The following RUNX2 variants were observed in gnomAD, a reference collection of about 807,000 sequenced individuals.
The protein encoded by RUNX2 is RUNX family transcription factor 2.
Under a neutral mutation model 51.7 loss-of-function variants are expected in RUNX2, and 10 were observed. The observed-to-expected ratio is 0.19, with a 90% CI of 0.12 to 0.33. RUNX2 has a LOEUF of 0.33. Among genes scored for constraint, RUNX2 ranks in the 10% least tolerant of loss-of-function variants. RUNX2 has a pLI of 1.00. For missense variants in RUNX2, 562 were observed against 691.3 expected, an observed-to-expected ratio of 0.81 and a Z score of 2.10; for synonymous variants, 276 against 273.6, an observed-to-expected ratio of 1.01 and a Z score of -0.09.
At chr6:45,402,076 T>C (rs896399101) in intron 2 of RUNX2, among the ~76,000 whole-genome samples, 1 of 152,272 alleles carries the variant, frequency 6.6e-6, no homozygotes, top group African/African-American at 2.4e-5. Flanking sequence ...AATTATGCTC[T>C]TAGATGCATA....
chr6:45,524,943 T>C (rs1321683254), intron 7 of RUNX2, among the ~76,000 whole-genome samples: 1 of 152,176 alleles, frequency 6.6e-6, no homozygotes, highest in East Asian at 1.9e-4. Context: ...AAACCTCGTA[T>C]CTACTATAAA....
At chr6:45,482,265 G>GT (rs1055557107) in intron 5 of RUNX2, among the ~76,000 whole-genome samples, 1 of 152,048 alleles carries the variant, frequency 6.6e-6, no homozygotes, top group Non-Finnish European at 1.5e-5. Flanking sequence ...GACGTCTCAA[G>GT]TTTTTTTAGT....
At chr6:45,482,609 A>G (rs1452145766) in intron 5 of RUNX2, among the ~76,000 whole-genome samples, 2 of 152,374 alleles carry the variant, frequency 1.3e-5, no homozygotes, top group South Asian at 2.1e-4. Flanking sequence ...ATGACTACAT[A>G]TGAGATTGAG....
chr6:45,544,605 C>T (rs116056639), intron 7 of RUNX2, among the ~76,000 whole-genome samples: 2,828 of 152,254 alleles, frequency 0.019, 81 homozygotes, highest in African/African-American at 0.064. Flanking sequence ...GTTTTAAGTG[C>T]GACTTCTTTC....
At chr6:45,474,245 TA>T (rs918256569) in intron 5 of RUNX2, among the ~76,000 whole-genome samples, 1 of 151,868 alleles carries the variant, frequency 6.6e-6, no homozygotes, top group Non-Finnish European at 1.5e-5. Flanking sequence ...GCCCTAGAGA[TA>T]GGTATAGTAG....
At chr6:45,400,921 G>A (rs911278518) in intron 2 of RUNX2, among the ~76,000 whole-genome samples, 2 of 152,178 alleles carry the variant, frequency 1.3e-5, no homozygotes, top group Non-Finnish European at 2.9e-5. Flanking sequence ...GAGTTGCTGA[G>A]TAGATAGAGG....
At chr6:45,469,389 G>A (rs971373912) in intron 5 of RUNX2, among the ~76,000 whole-genome samples, 3 of 152,144 alleles carry the variant, frequency 2.0e-5, no homozygotes, top group Non-Finnish European at 4.4e-5. Context: ...ACTTACTTTT[G>A]TTTTTATAAC....
At chr6:45,377,939 G>A (rs1246122525) in intron 2 of RUNX2, 1 of 152,016 alleles carries the variant, frequency 6.6e-6, no homozygotes, top group Non-Finnish European at 1.5e-5. Flanking sequence ...CTGTGTGACG[G>A]GGCGATGGGG....
At chr6:45,497,847 C>G (rs1012268250) in intron 6 of RUNX2, among the ~76,000 whole-genome samples, 1 of 152,216 alleles carries the variant, frequency 6.6e-6, no homozygotes, top group African/African-American at 2.4e-5. Context: ...AATGGGGTCA[C>G]TGACCTCTTC....
intron 2 of RUNX2, among the ~76,000 whole-genome samples, chr6:45,371,410 T>TC (rs1041248486): frequency 2.0e-5 from 3 of 151,180 alleles, no homozygotes; most frequent in Non-Finnish European, 4.4e-5. Flanking sequence ...TTTTTTTTTT[T>TC]CACAATTACC....
chr6:45,453,117 C>A (rs144033773), intron 5 of RUNX2, among the ~76,000 whole-genome samples: 26 of 152,106 alleles, frequency 1.7e-4, no homozygotes, highest in African/African-American at 5.8e-4. Flanking sequence ...ACCCCTCCCC[C>A]CAAGATGATT....
intron 4 of RUNX2, 133 bp downstream of exon 4, chr6:45,432,152 A>G: frequency 2.3e-6 from 2 of 878,516 alleles, no homozygotes; most frequent in Non-Finnish European, 3.7e-6. Context: ...ATTTAAATAC[A>G]TCCAGATGAA....
At chr6:45,470,080 G>C (rs759571817) in intron 5 of RUNX2, among the ~76,000 whole-genome samples, 1 of 152,188 alleles carries the variant, frequency 6.6e-6, no homozygotes, top group Non-Finnish European at 1.5e-5. Context: ...GCAGTACTCT[G>C]GCAATGTGTA....
At chr6:45,446,027 G>A (rs1027919488) in intron 5 of RUNX2, among the ~76,000 whole-genome samples, 1 of 152,204 alleles carries the variant, frequency 6.6e-6, no homozygotes, top group Non-Finnish European at 1.5e-5. Flanking sequence ...ACTGATGCAA[G>A]GATATATGGC....
chr6:45,469,269 T>G (rs1799728663), intron 5 of RUNX2, among the ~76,000 whole-genome samples: 1 of 152,240 alleles, frequency 6.6e-6, no homozygotes, highest in African/African-American at 2.4e-5. Flanking sequence ...GCAAAGTGTC[T>G]TGCACATAGT....
At chr6:45,452,202 C>T (rs1013052155) in intron 5 of RUNX2, among the ~76,000 whole-genome samples, 5 of 152,196 alleles carry the variant, frequency 3.3e-5, no homozygotes, top group Non-Finnish European at 7.4e-5. Context: ...AAATTAAAAA[C>T]ATTTCCAGGT....
At chr6:45,514,044 G>T (rs1181724686) in intron 7 of RUNX2, among the ~76,000 whole-genome samples, 3 of 152,106 alleles carry the variant, frequency 2.0e-5, no homozygotes, top group African/African-American at 7.2e-5. Context: ...TTCTGTTTGG[G>T]GTCCCCTGGG....
chr6:45,496,673 T>C (rs1327717384), intron 6 of RUNX2, among the ~76,000 whole-genome samples: 1 of 152,126 alleles, frequency 6.6e-6, no homozygotes, highest in Non-Finnish European at 1.5e-5. Flanking sequence ...GGCTTGGGTT[T>C]AGTTCTGATT....
intron 7 of RUNX2, among the ~76,000 whole-genome samples, chr6:45,529,149 C>A (rs1176400382): frequency 6.6e-6 from 1 of 152,150 alleles, no homozygotes; most frequent in Non-Finnish European, 1.5e-5. Flanking sequence ...AACACTTTTT[C>A]TTATATTTCC....
Sources: allele counts gnomAD v4.1 joint callset (sites outside exome capture counted in the v4.1 genomes callset), GRCh38; gene constraint gnomAD v4.1.1; transcripts MANE v1.5; gene names NCBI Gene and HGNC (gene_info 2026-07-23, HGNC 2026-07-21).